Variants in SYNPR observed in about 807,000 individuals in gnomAD.
The protein encoded by SYNPR is synaptoporin.
A neutral mutation model predicts 32.9 loss-of-function variants in SYNPR; 23 were observed. The observed-to-expected ratio is 0.70, with a 90% confidence interval of 0.50 to 0.99. The LOEUF (loss-of-function observed/expected upper bound fraction) is 0.99. SYNPR is among the 50% of genes least tolerant of loss of function. The pLI, the probability that SYNPR is intolerant of heterozygous loss-of-function variation, is 0.00. For missense variants in SYNPR, 318 were observed against 349.3 expected (o/e 0.91, Z 0.71); for synonymous variants, 146 against 135.9 (o/e 1.07, Z -0.52).
At chr3:63,480,304 T>C (rs1046599257) in intron 2 of SYNPR, among the ~76,000 whole-genome samples, 17 of 152,210 alleles carry the variant, frequency 1.1e-4, no homozygotes, top group African/African-American at 4.1e-4. Flanking sequence ...TGCTCTAAAA[T>C]AGCACCTCTT....
At chr3:63,368,509 G>A (rs2087754742) in intron 2 of SYNPR, among the ~76,000 whole-genome samples, 1 of 152,164 alleles carries the variant, frequency 6.6e-6, no homozygotes, top group African/African-American at 2.4e-5. Context: ...GGTCACTTGT[G>A]AAAAAGGCGA....
chr3:63,232,331 A>T (rs1029319464), intron 1 of SYNPR, among the ~76,000 whole-genome samples: 1 of 149,490 alleles, frequency 6.7e-6, no homozygotes. Context: ...CCTCCCAGGT[A>T]GCTGGGATTA....
chr3:63,242,650 C>T (rs957888602), intron 1 of SYNPR, among the ~76,000 whole-genome samples: 1 of 152,038 alleles, frequency 6.6e-6, no homozygotes, highest in African/African-American at 2.4e-5. Flanking sequence ...CCAGACTACA[C>T]ACAGAAATCA....
chr3:63,209,657 T>A, the SYNPR span, among the ~76,000 whole-genome samples: 1 of 152,176 alleles, frequency 6.6e-6, no homozygotes, highest in African/African-American at 2.4e-5. Context: ...TATAAAACTA[T>A]TCTCCCTCTC....
chr3:63,314,006 CATAT>C lies in SYNPR; in HGVS notation c.84+35273_84+35276del, dbSNP rs747524173. Among the ~76,000 whole-genome samples, 5 of 1,254 alleles carry C rather than the reference CATAT, an allele frequency of 4.0e-3. 2 individuals carry two copies. The highest frequency in any genetic ancestry group is 0.048 in the Admixed American group (2 of 42). The allele number at this position is 1,254 out of a possible 152,430, so 0.8% of individuals were successfully genotyped here. A position where few individuals can be genotyped will look rare whatever the true frequency, so the allele number is the denominator to read the frequency against. ...ATATATATCCATATATATATATATC[CATAT>C]ATATATATCCATATATATATATATC... On this transcript the variant is annotated intron_variant, in intron 2 of 5. Transcript: ENST00000478300.
intron 5 of SYNPR, 137 bp downstream of exon 5, chr3:63,609,453 C>T: frequency 1.5e-6 from 1 of 674,042 alleles, no homozygotes; most frequent in Non-Finnish European, 2.3e-6. Flanking sequence ...TACTTCACCT[C>T]AGGTACAGGA....
intron 2 of SYNPR, among the ~76,000 whole-genome samples, chr3:63,468,476 T>A (rs1700728861): frequency 7.3e-6 from 1 of 137,252 alleles, no homozygotes; most frequent in African/African-American, 3.4e-5. Context: ...GGATTCTATT[T>A]AATATACCTG....
intron 3 of SYNPR, among the ~76,000 whole-genome samples, chr3:63,484,731 A>G (rs1207219032): frequency 6.6e-6 from 1 of 152,178 alleles, no homozygotes; most frequent in African/African-American, 2.4e-5. Flanking sequence ...GGCTGAGAAA[A>G]ATTTTGTTGA....
At chr3:63,569,351 A>T (rs1339942845) in intron 4 of SYNPR, among the ~76,000 whole-genome samples, 1 of 152,074 alleles carries the variant, frequency 6.6e-6, no homozygotes, top group Admixed American at 6.5e-5. Flanking sequence ...TACATCCCTA[A>T]CCTGTGACCT....
intron 2 of SYNPR, among the ~76,000 whole-genome samples, chr3:63,420,009 C>T (rs2088587227): frequency 6.6e-6 from 1 of 152,038 alleles, no homozygotes; most frequent in East Asian, 1.9e-4. Flanking sequence ...GTAAATCTAA[C>T]AAAGGGAGTG....
At position 63,384,067 on chromosome 3, in the gene SYNPR, T is replaced by C. The variant is rs2088010029; in HGVS notation, c.85-96765T>C. On this transcript the variant is annotated intron_variant, in intron 2 of 5. Coordinates refer to ENST00000478300, the MANE Select transcript of SYNPR (RefSeq NM_001130003.2). ...TATGAATACTCAGAGAAGCAAAATG[T>C]CTTCTTCAAAGTATCACATCAATTT... 2.0e-5 allele frequency among the ~76,000 whole-genome samples: 3 copies of C among 152,242 alleles called. No homozygotes were observed. In the South Asian group the frequency reaches 6.2e-4, roughly 31 times the overall value.
At chr3:63,525,393 G>T (rs769813383) in intron 3 of SYNPR, among the ~76,000 whole-genome samples, 4 of 152,080 alleles carry the variant, frequency 2.6e-5, no homozygotes, top group Non-Finnish European at 1.5e-5. Context: ...TGAGGCCCAG[G>T]TATTTCAGTA....
chr3:63,316,672 T>G (rs1264395078), intron 2 of SYNPR, among the ~76,000 whole-genome samples: 1 of 152,060 alleles, frequency 6.6e-6, no homozygotes, highest in Non-Finnish European at 1.5e-5. Flanking sequence ...TTATTCATCT[T>G]TTCAAAGAAC....
intron 4 of SYNPR, among the ~76,000 whole-genome samples, chr3:63,589,079 C>G (rs1559544304): frequency 6.6e-6 from 1 of 152,016 alleles, no homozygotes; most frequent in Non-Finnish European, 1.5e-5. Flanking sequence ...AAAGAAGAGT[C>G]CAACACTCCC....
At chr3:63,463,964 T>A (rs1015701009) in intron 2 of SYNPR, among the ~76,000 whole-genome samples, 1 of 152,212 alleles carries the variant, frequency 6.6e-6, no homozygotes, top group Admixed American at 6.5e-5. Context: ...GATGCCTTTT[T>A]TCGTAACATT....
chr3:63,498,545 G>A (rs1701415633), intron 3 of SYNPR, among the ~76,000 whole-genome samples: 1 of 152,136 alleles, frequency 6.6e-6, no homozygotes, highest in Non-Finnish European at 1.5e-5. Flanking sequence ...TCCCTTTTAT[G>A]AGGAGACATT....
chr3:63,476,128 AGG>A, intron 2 of SYNPR, among the ~76,000 whole-genome samples: 2 of 35,036 alleles, frequency 5.7e-5, no homozygotes, highest in Admixed American at 2.3e-4. Flanking sequence ...GAAGGAAGGA[AGG>A]AAGGAAGGAA....
At chr3:63,613,481 GGAA>G (rs796845514) in intron 5 of SYNPR, among the ~76,000 whole-genome samples, 137 of 151,952 alleles carry the variant, frequency 9.0e-4, no homozygotes, top group African/African-American at 3.3e-3. Context: ...GAGGAGAGAA[GGAA>G]GAAGGAGGGA....
At chr3:63,577,510 A>G (rs1255333707) in intron 4 of SYNPR, among the ~76,000 whole-genome samples, 1 of 152,060 alleles carries the variant, frequency 6.6e-6, no homozygotes, top group African/African-American at 2.4e-5. Flanking sequence ...CAAATGTGAG[A>G]AAAAAATGTG....
Sources: gnomAD v4.1 joint callset for allele counts (sites outside exome capture counted in the v4.1 genomes callset) on GRCh38, gnomAD v4.1.1 for gene constraint, MANE v1.5 for transcripts, NCBI Gene and HGNC (gene_info 2026-07-23, HGNC 2026-07-21) for gene names.